KIF13A: variants seen among roughly 807,000 people sequenced by gnomAD.
KIF13A encodes the protein kinesin-like protein KIF13A.
In KIF13A, 79 loss-of-function variants were observed where a neutral mutation model predicts 212.2. The ratio of observed to expected loss-of-function variants is 0.37; its 90% CI spans 0.31 to 0.45. KIF13A has a LOEUF of 0.45. KIF13A is among the 20% of genes least tolerant of loss of function. The pLI is 1.00. For synonymous variants in KIF13A, 789 were observed against 808.6 expected (o/e 0.98, Z 0.41); for missense variants, 1,901 against 2,209.0 (o/e 0.86, Z 2.79).
chr6:17,877,499 C>G (rs530706266), intron 3 of KIF13A, among the ~76,000 whole-genome samples: 1 of 152,140 alleles, frequency 6.6e-6, no homozygotes, highest in Non-Finnish European at 1.5e-5. Context: ...AGATGATGAT[C>G]TATCTTGTTT....
At chr6:17,937,639 G>T (rs2150548694) in intron 2 of KIF13A, among the ~76,000 whole-genome samples, 1 of 152,164 alleles carries the variant, frequency 6.6e-6, no homozygotes, top group South Asian at 2.1e-4. Context: ...TGCATCTCAA[G>T]CATCACTATT....
At position 17,839,142 on chromosome 6, in the gene KIF13A, TGA is replaced by T. The variant is rs1425096799; in HGVS notation, c.831-1561_831-1560del. The stretch of plus-strand genomic sequence containing the variant: ...GCCAAGAAGCTTAATTAATACTTAA[TGA>T]GTACAATGTATGTTATTCAGGTGAC... On this transcript the variant is annotated intron_variant, in intron 9 of 38. Transcript: ENST00000259711. The surrounding 1 kb of genome is among the most constrained non-coding windows in gnomAD (Gnocchi z 4.3). 6.6e-6 allele frequency among the ~76,000 whole-genome samples: 1 copy of T among 152,200 alleles called. No individual in the cohort carries two copies. The highest frequency in any genetic ancestry group is 6.5e-5 in the Admixed American group (1 of 15,282).
rs1159215826 is a variant in KIF13A, at chr6:17,961,923, G to A, written c.146+25131C>T. 2.0e-5 allele frequency among the ~76,000 whole-genome samples: 3 copies of A among 152,172 alleles called. 1 individual carries two copies. The highest frequency in any genetic ancestry group is 1.3e-4 in the Admixed American group (2 of 15,274). On this transcript the variant is annotated intron_variant, in intron 2 of 38. Coordinates refer to ENST00000259711, the MANE Select transcript of KIF13A (RefSeq NM_022113.6). The surrounding 1 kb of genome is among the most constrained non-coding windows in gnomAD (Gnocchi z 4.1). ...CCACATCTTAAAATTTCAGAATTGG[G>A]ATACATTTGACAATCAAGGTTTAAT...
chr6:17,786,594 C>T lies in KIF13A; in HGVS notation c.3362-953G>A, dbSNP rs982824026. 2.0e-5 allele frequency among the ~76,000 whole-genome samples: 3 copies of T among 151,800 alleles called. No homozygotes were observed. The highest frequency in any genetic ancestry group is 2.4e-5 in the African/African-American group (1 of 41,296). On this transcript the variant is annotated intron_variant, in intron 27 of 38. Coordinates refer to ENST00000259711, the MANE Select transcript of KIF13A (RefSeq NM_022113.6). This position sits in a 1 kb window ranked among gnomAD's most constrained non-coding sequence, Gnocchi z 5.4. ...CAGCCTGGGCGACAGAGGGAGACTC[C>T]ATCTCAAAAATAAAAATAAAAAAAT...
At chr6:17,902,049 T>TA (rs1420714083) in intron 2 of KIF13A, among the ~76,000 whole-genome samples, 6 of 152,208 alleles carry the variant, frequency 3.9e-5, no homozygotes, top group Non-Finnish European at 8.8e-5. Context: ...CCATGACTCT[T>TA]AGTCAAGTAC....
At chr6:17,808,175 C>T (rs996514988) in intron 18 of KIF13A, among the ~76,000 whole-genome samples, 1 of 152,162 alleles carries the variant, frequency 6.6e-6, no homozygotes, top group Non-Finnish European at 1.5e-5. Flanking sequence ...CATCTGAACC[C>T]AGGAGTTCAA....
rs80074989 is a variant in KIF13A at position 17,763,765 on chromosome 6, C to A, written c.*345G>T. ...ATAAAATAATGGTTCATATAATAATCAAAGGAATCACAGATTTGATGAAAT... is the reference window on the plus strand; with the variant it reads ...ATAAAATAATGGTTCATATAATAATAAAAGGAATCACAGATTTGATGAAAT... On this transcript the variant is annotated 3_prime_UTR_variant, in exon 39 of 39. Transcript: ENST00000259711. 9,766 of 910,422 alleles carry A rather than the reference C, an allele frequency of 0.011. 793 individuals are homozygous for A. In the African/African-American group the frequency reaches 0.16, roughly 15 times the overall value. The allele number at this position is 910,422 out of a possible 1,614,324, so 56.4% of individuals were successfully genotyped here. A position where few individuals can be genotyped will look rare whatever the true frequency, so the allele number is the denominator to read the frequency against.
Position 17,826,908 on chromosome 6 carries a change from A to T in KIF13A, c.1533-784T>A, listed in dbSNP as rs1348022442. Among the ~76,000 whole-genome samples, 1 of 151,046 alleles carries T rather than the reference A, an allele frequency of 6.6e-6. No homozygotes were observed. Among genetic ancestry groups the T allele is most frequent in the Non-Finnish European group, 1.5e-5 (1 of 67,746 alleles). ...AAAATCTGGAATCTACTTTAAAATA[A>T]TTTTTTTTTCTGGGCATGGTGGTGG... On this transcript the variant is annotated intron_variant, in intron 14 of 38. Coordinates refer to ENST00000259711, the MANE Select transcript of KIF13A (RefSeq NM_022113.6). This position sits in a 1 kb window ranked among gnomAD's most constrained non-coding sequence, Gnocchi z 4.7.
chr6:17,881,560 G>A (rs770206255), intron 3 of KIF13A: 3 of 411,200 alleles, frequency 7.3e-6, no homozygotes, highest in South Asian at 3.5e-5. Flanking sequence ...AGCTGGGTGC[G>A]GCAGTGCACG....
chr6:17,760,741 TG>T, downstream of KIF13A: 1 of 1,047,520 alleles, frequency 9.5e-7, no homozygotes, highest in Non-Finnish European at 1.5e-6. Flanking sequence ...CTCCAGCTTC[TG>T]GTCTGAGGTC....
intron 22 of KIF13A, among the ~76,000 whole-genome samples, chr6:17,797,334 C>A (rs1215230446): frequency 6.6e-6 from 1 of 152,112 alleles, no homozygotes; most frequent in African/African-American, 2.4e-5. Context: ...CGGCCTCAAC[C>A]CGTTTCTTAT....
chr6:17,974,557 A>C (rs143642077), intron 2 of KIF13A, among the ~76,000 whole-genome samples: 2 of 152,254 alleles, frequency 1.3e-5, no homozygotes, highest in Non-Finnish European at 2.9e-5. Context: ...TCAGATTCCT[A>C]ACCTACAGAA....
intron 9 of KIF13A, among the ~76,000 whole-genome samples, chr6:17,842,455 C>A (rs1766618305): frequency 6.6e-6 from 1 of 152,132 alleles, no homozygotes; most frequent in Non-Finnish European, 1.5e-5. Context: ...AGCTGGAGGC[C>A]AGCGGGCAGC....
At chr6:17,977,626 A>C (rs1029631890) in intron 2 of KIF13A, among the ~76,000 whole-genome samples, 1 of 152,278 alleles carries the variant, frequency 6.6e-6, no homozygotes, top group Non-Finnish European at 1.5e-5. Context: ...GCAACAGCAA[A>C]TATTTGTATT....
Position 17,968,019 on chromosome 6 carries a change from C to T in KIF13A, c.146+19035G>A, listed in dbSNP as rs144954054. Among the ~76,000 whole-genome samples, 8 of 152,272 alleles carry T rather than the reference C, an allele frequency of 5.3e-5. No homozygotes were observed. The highest frequency in any genetic ancestry group is 1.4e-4 in the African/African-American group (6 of 41,542). ...TTCCATTCCAATGTACATTCTTGGA[C>T]GGCATACTGAGAATTGCCCACAATG... On this transcript the variant is annotated intron_variant, in intron 2 of 38. Transcript: ENST00000259711. This position sits in a 1 kb window ranked among gnomAD's most constrained non-coding sequence, Gnocchi z 4.7.
At chr6:17,851,195 TA>T (rs1052813554) in intron 7 of KIF13A, among the ~76,000 whole-genome samples, 27 of 152,308 alleles carry the variant, frequency 1.8e-4, no homozygotes, top group Admixed American at 1.7e-3. Flanking sequence ...GAAACCTTTT[TA>T]AAATGATCAC....
intron 20 of KIF13A, among the ~76,000 whole-genome samples, chr6:17,800,601 T>TG (rs1346552614): frequency 2.1e-5 from 2 of 95,454 alleles, no homozygotes; most frequent in Non-Finnish European, 4.6e-5. Context: ...CACGCCCAGC[T>TG]AATTTTTTTT....
intron 2 of KIF13A, chr6:17,950,705 C>A: frequency 1.0e-6 from 1 of 984,022 alleles, no homozygotes; most frequent in Non-Finnish European, 1.2e-6. Context: ...TTAATCATGC[C>A]TAAAAAACGA....
intron 2 of KIF13A, among the ~76,000 whole-genome samples, chr6:17,958,876 C>CTTTTTTT (rs398000716): frequency 1.4e-3 from 117 of 83,082 alleles, no homozygotes; most frequent in East Asian, 2.0e-3. Context: ...TTTTCTTTTT[C>CTTTTTTT]TTTTTTTTTT....
Sources: gnomAD v4.1 joint callset for allele counts (sites outside exome capture counted in the v4.1 genomes callset) on GRCh38, gnomAD v4.1.1 for gene constraint, Gnocchi (gnomAD v3.1) non-coding constraint, MANE v1.5 for transcripts, NCBI Gene and HGNC (gene_info 2026-07-23, HGNC 2026-07-21) for gene names.